The following GLIS3 variants were observed in gnomAD, a reference collection of about 807,000 sequenced individuals.
GLIS3 encodes GLIS family zinc finger 3.
GLIS3 carries 53 observed loss-of-function variants against 78.6 expected under a neutral mutation model. The ratio of observed to expected loss-of-function variants is 0.67; its 90% CI spans 0.54 to 0.85. The LOEUF (loss-of-function observed/expected upper bound fraction) is 0.85, where lower values mean the gene tolerates loss of function less well. Among genes scored for constraint, GLIS3 ranks in the 40% least tolerant of loss-of-function variants. The pLI, the probability that GLIS3 is intolerant of heterozygous loss-of-function variation, is 0.00. For missense variants in GLIS3, 1,703 were observed against 1,231.1 expected, an observed-to-expected ratio of 1.38 and a Z score of -5.74; for synonymous variants, 684 against 509.9, an observed-to-expected ratio of 1.34 and a Z score of -4.60.
At chr9:3,955,619 C>T (rs938960458) in intron 4 of GLIS3, among the ~76,000 whole-genome samples, 1 of 152,134 alleles carries the variant, frequency 6.6e-6, no homozygotes, top group Non-Finnish European at 1.5e-5. Flanking sequence ...AGCCAAGATG[C>T]TTCCAGGATC....
At chr9:4,347,496 T>C (rs570236029) in intron 1 of GLIS3, among the ~76,000 whole-genome samples, 7 of 152,310 alleles carry the variant, frequency 4.6e-5, no homozygotes, top group African/African-American at 7.2e-5. Flanking sequence ...TGCAGATTCC[T>C]ACACCCACTC....
In GLIS3 at chr9:4,216,485, A is replaced by T. The variant is rs573075810; in HGVS notation, c.388+69553T>A. Reference sequence around the variant, plus strand: ...ACAGAGCGAGACTCTGTCTCAAAAAAAAAAAAAGAAAAGAAAAGAAAAGAA... The same window carrying T: ...ACAGAGCGAGACTCTGTCTCAAAAATAAAAAAAGAAAAGAAAAGAAAAGAA... On this transcript the variant is annotated intron_variant, in intron 2 of 10. Transcript: ENST00000381971. Among the ~76,000 whole-genome samples, 432 of 151,842 alleles carry T rather than the reference A, an allele frequency of 2.8e-3. 2 individuals carry two copies. The highest frequency in any genetic ancestry group is 0.01 in the African/African-American group (417 of 41,406).
chr9:4,050,163 G>A (rs13297597), intron 4 of GLIS3, among the ~76,000 whole-genome samples: 1 of 150,646 alleles, frequency 6.6e-6, no homozygotes, highest in African/African-American at 2.5e-5. Context: ...GTTTATTGCG[G>A]CCTATTCACC....
At chr9:3,835,737 T>G (rs1165068510) in intron 9 of GLIS3, among the ~76,000 whole-genome samples, 2 of 152,250 alleles carry the variant, frequency 1.3e-5, no homozygotes, top group Non-Finnish European at 2.9e-5. Flanking sequence ...GACACACAGT[T>G]CACACCCTAT....
chr9:3,898,615 G>A (rs766359946), intron 7 of GLIS3, 76 bp downstream of exon 7: 32 of 1,584,490 alleles, frequency 2.0e-5, no homozygotes, highest in Non-Finnish European at 2.3e-5. Context: ...TTTTTCTCAC[G>A]TGAGCATTCC....
chr9:4,392,415 A>G, the GLIS3 span, among the ~76,000 whole-genome samples: 1 of 152,202 alleles, frequency 6.6e-6, no homozygotes, highest in Non-Finnish European at 1.5e-5. Flanking sequence ...CATTTAAAAA[A>G]TAATAACAAA....
chr9:4,234,905 G>C (rs1288282791), intron 2 of GLIS3, among the ~76,000 whole-genome samples: 7 of 152,154 alleles, frequency 4.6e-5, no homozygotes, highest in Admixed American at 4.6e-4. Context: ...AGAGTCCCTA[G>C]AGTTGGAAGG....
At chr9:4,019,275 T>C (rs1822679394) in intron 4 of GLIS3, among the ~76,000 whole-genome samples, 1 of 152,156 alleles carries the variant, frequency 6.6e-6, no homozygotes, top group South Asian at 2.1e-4. Context: ...TCCTCGAGGA[T>C]CATTAGAAGG....
the GLIS3 span, among the ~76,000 whole-genome samples, chr9:4,435,444 C>A: frequency 6.6e-6 from 1 of 152,194 alleles, no homozygotes; most frequent in African/African-American, 2.4e-5. Flanking sequence ...GCACATTCCT[C>A]AGCCTGCCAG....
At chr9:4,355,275 G>A in the GLIS3 span, among the ~76,000 whole-genome samples, 4 of 152,166 alleles carry the variant, frequency 2.6e-5, no homozygotes, top group African/African-American at 9.7e-5. Context: ...GTGACTATCT[G>A]CAAGCAACTT....
At chr9:4,058,477 G>C (rs1427417866) in intron 4 of GLIS3, among the ~76,000 whole-genome samples, 1 of 147,614 alleles carries the variant, frequency 6.8e-6, no homozygotes, top group African/African-American at 2.5e-5. Flanking sequence ...CCATCTCTTT[G>C]CTCAAATTTC....
At chr9:4,073,828 A>G (rs114239073) in intron 4 of GLIS3, among the ~76,000 whole-genome samples, 1 of 152,164 alleles carries the variant, frequency 6.6e-6, no homozygotes, top group Non-Finnish European at 1.5e-5. Context: ...AAAATTACGC[A>G]TGAAAGTGTA....
chr9:4,402,865 A>C, the GLIS3 span, among the ~76,000 whole-genome samples: 7 of 152,192 alleles, frequency 4.6e-5, no homozygotes, highest in African/African-American at 1.7e-4. Context: ...GCCTTAAAGA[A>C]GAGATGGAGC....
chr9:4,370,196 A>C, the GLIS3 span, among the ~76,000 whole-genome samples: 1 of 151,590 alleles, frequency 6.6e-6, no homozygotes, highest in East Asian at 1.9e-4. Context: ...AAAAAAAAAA[A>C]AAAAAAACAA....
At chr9:4,019,053 G>C (rs1255651175) in intron 4 of GLIS3, among the ~76,000 whole-genome samples, 1 of 152,196 alleles carries the variant, frequency 6.6e-6, no homozygotes, top group Non-Finnish European at 1.5e-5. Context: ...CAAGCACCTG[G>C]CACAGTGTCA....
chr9:4,387,278 A>T, the GLIS3 span, among the ~76,000 whole-genome samples: 1 of 152,054 alleles, frequency 6.6e-6, no homozygotes, highest in East Asian at 1.9e-4. Context: ...CTCAATCCAA[A>T]ACAATGGCCT....
chr9:4,275,736 C>A (rs930636896), intron 2 of GLIS3, among the ~76,000 whole-genome samples: 2 of 152,004 alleles, frequency 1.3e-5, no homozygotes, highest in Non-Finnish European at 2.9e-5. Flanking sequence ...GCACTCTGGC[C>A]TGGGGGACAG....
chr9:3,903,337 G>A (rs555784855), intron 6 of GLIS3, among the ~76,000 whole-genome samples: 3 of 152,350 alleles, frequency 2.0e-5, no homozygotes, highest in Admixed American at 2.0e-4. Flanking sequence ...ATTACCTGCT[G>A]TTAGCAGAGA....
At chr9:4,271,992 G>C (rs1826556863) in intron 2 of GLIS3, among the ~76,000 whole-genome samples, 1 of 152,106 alleles carries the variant, frequency 6.6e-6, no homozygotes, top group Non-Finnish European at 1.5e-5. Context: ...TCATTTGTGA[G>C]AATTAAAGAG....
Sources: gnomAD v4.1 joint callset for allele counts (sites outside exome capture counted in the v4.1 genomes callset) on GRCh38, gnomAD v4.1.1 for gene constraint, MANE v1.5 for transcripts, NCBI Gene and HGNC (gene_info 2026-07-23, HGNC 2026-07-21) for gene names.